The following MYO18B variants were observed in gnomAD, a reference collection of about 807,000 sequenced individuals.
MYO18B encodes unconventional myosin-XVIIIb.
A neutral mutation model predicts 273.0 loss-of-function variants in MYO18B; 204 were observed. The observed-to-expected ratio is 0.75, with a 90% CI of 0.67 to 0.84. MYO18B has a LOEUF of 0.84. Ranked by LOEUF, MYO18B falls within the 40% of genes least tolerant of loss-of-function variation. The pLI is 0.00. For missense variants in MYO18B, 3,212 were observed against 3,287.6 expected, an observed-to-expected ratio of 0.98 and a Z score of 0.56; for synonymous variants, 1,330 against 1,305.7, an observed-to-expected ratio of 1.02 and a Z score of -0.40.
chr22:25,765,831 T>C (rs2086485990), intron 3 of MYO18B, among the ~76,000 whole-genome samples: 1 of 152,176 alleles, frequency 6.6e-6, no homozygotes. Flanking sequence ...TACTGTCTCC[T>C]CTGTGGTGGT....
intron 23 of MYO18B, among the ~76,000 whole-genome samples, chr22:25,875,094 C>T (rs1601427795): frequency 6.6e-6 from 1 of 152,180 alleles, no homozygotes; most frequent in South Asian, 2.1e-4. Context: ...AGTATATGTA[C>T]TTGGCAGAAA....
chr22:25,940,719 C>T (rs1374000745), intron 34 of MYO18B, among the ~76,000 whole-genome samples: 1 of 152,146 alleles, frequency 6.6e-6, no homozygotes, highest in African/African-American at 2.4e-5. Context: ...CTCATCTTAC[C>T]CCTGTGAACT....
At chr22:25,812,275 G>A (rs923855008) in intron 12 of MYO18B, among the ~76,000 whole-genome samples, 3 of 152,162 alleles carry the variant, frequency 2.0e-5, no homozygotes, top group Admixed American at 6.5e-5. Flanking sequence ...AGAAGAGCCC[G>A]ACCAGGTGCC....
chr22:26,034,601 G>A (rs748744979), downstream of MYO18B, among the ~76,000 whole-genome samples: 20 of 152,176 alleles, frequency 1.3e-4, no homozygotes, highest in Non-Finnish European at 1.2e-4. Context: ...CTGCTATGGC[G>A]TCCCTGCTGA....
At chr22:25,759,034 G>A (rs1003410756) in intron 1 of MYO18B, among the ~76,000 whole-genome samples, 20 of 152,140 alleles carry the variant, frequency 1.3e-4, no homozygotes, top group Middle Eastern at 3.4e-3. Flanking sequence ...GATTACAGGC[G>A]TGAGCCACCG....
chr22:25,826,164 T>C lies in MYO18B; in HGVS notation c.2696-245T>C, dbSNP rs2089481742. ...TTTCCTGAGGAGGTGTCATTTGGGC[T>C]GAACCCTGAGTGATGAGCAGATCAC... On this transcript the variant is annotated intron_variant, in intron 13 of 43. Transcript: ENST00000335473. 2.0e-5 allele frequency among the ~76,000 whole-genome samples: 3 copies of C among 152,224 alleles called. No homozygotes were observed. The South Asian group carries it at 6.2e-4, about 32-fold the overall frequency.
chr22:25,930,855 C>A (rs769437035), intron 34 of MYO18B, among the ~76,000 whole-genome samples: 1 of 152,074 alleles, frequency 6.6e-6, no homozygotes, highest in Non-Finnish European at 1.5e-5. Flanking sequence ...AAGCCTTGTG[C>A]GACTTATACA....
intron 35 of MYO18B, among the ~76,000 whole-genome samples, chr22:25,947,465 CAT>C (rs2092725362): frequency 6.9e-6 from 1 of 144,810 alleles, no homozygotes; most frequent in South Asian, 2.3e-4. Flanking sequence ...ACCCTGAATT[CAT>C]AGTCACATGT....
intron 42 of MYO18B, among the ~76,000 whole-genome samples, chr22:26,024,900 C>T (rs1178648487): frequency 1.3e-5 from 2 of 152,154 alleles, no homozygotes; most frequent in East Asian, 3.8e-4. Flanking sequence ...GTTCTAGAGG[C>T]TGGGAAATCT....
chr22:26,026,366 C>A, intron 42 of MYO18B, 79 bp from the exon 43 acceptor site: 1 of 1,475,978 alleles, frequency 6.8e-7, no homozygotes, highest in Non-Finnish European at 9.1e-7. Context: ...AGTGCCTGTG[C>A]TTAGGGGCTC....
At chr22:25,850,045 G>A (rs1161156759) in intron 20 of MYO18B, among the ~76,000 whole-genome samples, 1 of 152,162 alleles carries the variant, frequency 6.6e-6, no homozygotes, top group Non-Finnish European at 1.5e-5. Flanking sequence ...CCTAAAGGAG[G>A]CTGGTAACCT....
intron 12 of MYO18B, among the ~76,000 whole-genome samples, chr22:25,802,564 T>C (rs9637346): frequency 0.066 from 10,089 of 151,748 alleles, 580 homozygotes; most frequent in East Asian, 0.21. Flanking sequence ...TCCTGGCTGA[T>C]ACAGGAAACC....
At chr22:25,948,914 A>T (rs1447406563) in intron 36 of MYO18B, among the ~76,000 whole-genome samples, 1 of 151,972 alleles carries the variant, frequency 6.6e-6, no homozygotes, top group African/African-American at 2.4e-5. Flanking sequence ...GGAGTCACTT[A>T]GATTGGAGTG....
At chr22:25,836,879 T>C (rs74977712) in intron 17 of MYO18B, among the ~76,000 whole-genome samples, 2 of 151,794 alleles carry the variant, frequency 1.3e-5, no homozygotes, top group African/African-American at 2.4e-5. Flanking sequence ...GGAGAATTGC[T>C]TGAACCCAGG....
At chr22:25,788,402 A>G (rs944369075) in intron 11 of MYO18B, among the ~76,000 whole-genome samples, 9 of 152,174 alleles carry the variant, frequency 5.9e-5, no homozygotes, top group African/African-American at 2.2e-4. Flanking sequence ...GTTAAATGTG[A>G]ATTTCAGATA....
intron 34 of MYO18B, among the ~76,000 whole-genome samples, chr22:25,934,620 A>G (rs2092553483): frequency 6.6e-6 from 1 of 152,178 alleles, no homozygotes; most frequent in South Asian, 2.1e-4. Context: ...ACATCAATCA[A>G]TATGTGTAAG....
chr22:26,002,601 T>C (rs1195895466), intron 40 of MYO18B, among the ~76,000 whole-genome samples: 2 of 152,204 alleles, frequency 1.3e-5, no homozygotes, highest in African/African-American at 4.8e-5. Flanking sequence ...CCTAGGTGTC[T>C]GAGGTTTGCG....
In MYO18B at chr22:26,013,758, G is replaced by A. The variant is rs147405961; in HGVS notation, c.6470+8903G>A. 7.5e-3 allele frequency among the ~76,000 whole-genome samples: 1,140 copies of A among 152,224 alleles called. 21 individuals carry two copies. The highest frequency in any genetic ancestry group is 0.026 in the African/African-American group (1,088 of 41,532). ...TTTCATCTTCACTCACATTTCCCTGGTAAATAAACCTTTTTATATGCTTAT... is the reference window on the plus strand; with the variant it reads ...TTTCATCTTCACTCACATTTCCCTGATAAATAAACCTTTTTATATGCTTAT... On this transcript the variant is annotated intron_variant, in intron 42 of 43. Coordinates refer to ENST00000335473, the MANE Select transcript of MYO18B (RefSeq NM_032608.7).
chr22:26,060,516 G>C, the MYO18B span, among the ~76,000 whole-genome samples: 1 of 152,220 alleles, frequency 6.6e-6, no homozygotes, highest in Non-Finnish European at 1.5e-5. Flanking sequence ...ACTGGCTTCT[G>C]TCTGGATTCA....
Sources: allele counts gnomAD v4.1 joint callset (sites outside exome capture counted in the v4.1 genomes callset), GRCh38; gene constraint gnomAD v4.1.1; transcripts MANE v1.5; gene names NCBI Gene and HGNC (gene_info 2026-07-23, HGNC 2026-07-21).